Variants in GARNL3 observed in about 807,000 individuals in gnomAD.
GARNL3 encodes GTPase-activating Rap/Ran-GAP domain-like protein 3.
A neutral mutation model predicts 125.0 loss-of-function variants in GARNL3; 63 were observed. That is an observed-to-expected ratio of 0.50 (90% CI 0.41 to 0.62). The LOEUF (loss-of-function observed/expected upper bound fraction) is 0.62. GARNL3 is among the 20% of genes least tolerant of loss of function. GARNL3 has a pLI of 0.00. For missense variants in GARNL3, 994 were observed against 1,244.0 expected, an observed-to-expected ratio of 0.80 and a Z score of 3.02; for synonymous variants, 439 against 457.5, an observed-to-expected ratio of 0.96 and a Z score of 0.52.
chr9:127,296,633 A>C (rs2779724), intron 2 of GARNL3, among the ~76,000 whole-genome samples: 101,052 of 151,546 alleles, frequency 0.67, 35,281 homozygotes, highest in Admixed American at 0.79. Flanking sequence ...CATTGTATCC[A>C]GCAAATTTTT....
At chr9:127,263,381 G>A (rs915317233), upstream of GARNL3, among the ~76,000 whole-genome samples, 9 of 152,106 alleles carry the variant, frequency 5.9e-5, no homozygotes, top group Non-Finnish European at 7.4e-5. Context: ...AAATTGAAGC[G>A]GCGGGTTGAG....
rs572058867 is a variant in GARNL3 at position 127,236,754 on chromosome 9, A to G, written c.-28-6325A>G. ...GCTATTCTTTTGGTTGCTCCTCAACATTTCTTTGCTGCTTGAGCAGAAATT... is the reference window on the plus strand; with the variant it reads ...GCTATTCTTTTGGTTGCTCCTCAACGTTTCTTTGCTGCTTGAGCAGAAATT... On this transcript the variant is annotated intron_variant, in intron 1 of 10. Transcript: ENST00000439286. Among the ~76,000 whole-genome samples the G allele has an allele frequency of 2.6e-5, 4 of 152,238 alleles. No homozygotes were observed. In the East Asian group the frequency reaches 5.8e-4, roughly 22 times the overall value.
rs968324389 is a variant in GARNL3 at position 127,393,391 on chromosome 9, G to A, written c.*137G>A. Reference sequence around the variant, plus strand: ...ATTGGACCAAACCTTCTGCACACTCGGCCAGTTCCCTCTCCAATGTCCGGT... The same window carrying A: ...ATTGGACCAAACCTTCTGCACACTCAGCCAGTTCCCTCTCCAATGTCCGGT... On this transcript the variant is annotated 3_prime_UTR_variant, in exon 28 of 28. Transcript: ENST00000373387. 1.5e-5 allele frequency: 10 copies of A among 668,830 alleles called. No homozygotes were observed. Among genetic ancestry groups the A allele is most frequent in the Middle Eastern group, 4.4e-4 (1 of 2,298 alleles). 41.4% of individuals were successfully genotyped at this position (668,830 alleles called of 1,614,324 possible).
chr9:127,349,096 G>A, intron 17 of GARNL3, 61 bp downstream of exon 17: 1 of 1,154,022 alleles, frequency 8.7e-7, no homozygotes, highest in Admixed American at 1.7e-5. Flanking sequence ...CTTCTAAGAT[G>A]AGTGACCACC....
At chr9:127,351,325 G>GCCAGGAAATT (rs1251511606) in intron 17 of GARNL3, among the ~76,000 whole-genome samples, 2 of 152,018 alleles carry the variant, frequency 1.3e-5, no homozygotes, top group East Asian at 3.9e-4. Flanking sequence ...ATTGTGATTT[G>GCCAGGAAATT]CCAGGAAATT....
chr9:127,303,009 G>A (rs1022177456), intron 2 of GARNL3, among the ~76,000 whole-genome samples: 1 of 152,134 alleles, frequency 6.6e-6, no homozygotes, highest in Non-Finnish European at 1.5e-5. Context: ...AAATTAGCCA[G>A]GCGTGGTAGT....
intron 22 of GARNL3, among the ~76,000 whole-genome samples, chr9:127,370,280 C>T (rs576952591): frequency 1.3e-5 from 2 of 152,222 alleles, no homozygotes; most frequent in East Asian, 1.9e-4. Context: ...GGCCTTGATC[C>T]GAAGCTCTGG....
chr9:127,277,654 CCTTA>C (rs1332687289), intron 1 of GARNL3, among the ~76,000 whole-genome samples: 1 of 151,952 alleles, frequency 6.6e-6, no homozygotes, highest in Non-Finnish European at 1.5e-5. Flanking sequence ...TATCTCTGAG[CCTTA>C]CTTAGCTCAT....
chr9:127,345,260 CTTGA>C (rs1394924926), intron 15 of GARNL3, 139 bp from the exon 16 acceptor site: 1 of 494,946 alleles, frequency 2.0e-6, no homozygotes, highest in Non-Finnish European at 3.6e-6. Flanking sequence ...AACTTCAATT[CTTGA>C]TTAACAAGTC....
chr9:127,271,775 A>G (rs1436852083), intron 1 of GARNL3, among the ~76,000 whole-genome samples: 1 of 150,204 alleles, frequency 6.7e-6, no homozygotes, highest in Non-Finnish European at 1.5e-5. Context: ...GCTGACTCTC[A>G]TAAAACCCCG....
chr9:127,383,607 C>A (rs1832388196), intron 23 of GARNL3, 62 bp downstream of exon 23: 30 of 1,109,830 alleles, frequency 2.7e-5, no homozygotes, highest in Non-Finnish European at 3.9e-5. Flanking sequence ...CTATTGTAAG[C>A]AAATCCTATG....
intron 19 of GARNL3, among the ~76,000 whole-genome samples, chr9:127,354,826 CT>C (rs780494891): frequency 1.4e-4 from 21 of 152,166 alleles, no homozygotes; most frequent in African/African-American, 5.1e-4. Context: ...GAGTCTCACT[CT>C]TGTTGCCCAG....
intron 1 of GARNL3, chr9:127,225,298 C>T (rs2062886132): frequency 5.1e-6 from 5 of 977,220 alleles, no homozygotes; most frequent in Non-Finnish European, 6.1e-6. Context: ...AGCCCGCGGC[C>T]CCCGCCCGGG....
At chr9:127,340,086 G>A (rs1352368405) in intron 13 of GARNL3, among the ~76,000 whole-genome samples, 2 of 152,124 alleles carry the variant, frequency 1.3e-5, no homozygotes, top group East Asian at 3.9e-4. Flanking sequence ...TCAGAGAGTG[G>A]GATGTAGGTG....
intron 1 of GARNL3, among the ~76,000 whole-genome samples, chr9:127,289,053 G>A (rs911224809): frequency 6.6e-6 from 1 of 152,186 alleles, no homozygotes; most frequent in African/African-American, 2.4e-5. Context: ...CACTCTACCT[G>A]AAATCTACTT....
intron 2 of GARNL3, 59 bp from the exon 3 acceptor site, chr9:127,311,577 C>T: frequency 8.5e-7 from 1 of 1,170,176 alleles, no homozygotes; most frequent in Non-Finnish European, 1.3e-6. Flanking sequence ...GGTTCATTGC[C>T]AGGTTCATGT....
chr9:127,292,562 G>A (rs868432322), intron 2 of GARNL3, among the ~76,000 whole-genome samples: 1 of 152,190 alleles, frequency 6.6e-6, no homozygotes, highest in Non-Finnish European at 1.5e-5. Context: ...CCAAAATTTT[G>A]CAGAACTTCA....
chr9:127,338,018 C>T (rs941727416), intron 11 of GARNL3, 98 bp from the exon 12 acceptor site: 16 of 888,372 alleles, frequency 1.8e-5, no homozygotes, highest in Non-Finnish European at 2.9e-5. Flanking sequence ...AGCACAGAAG[C>T]GCTGGTCGAG....
At chr9:127,287,893 C>A (rs541791914) in intron 1 of GARNL3, among the ~76,000 whole-genome samples, 1 of 152,242 alleles carries the variant, frequency 6.6e-6, no homozygotes, top group East Asian at 1.9e-4. Flanking sequence ...GATTAATGAA[C>A]CTTCTCTGCT....
Sources: allele counts gnomAD v4.1 joint callset (sites outside exome capture counted in the v4.1 genomes callset), GRCh38; gene constraint gnomAD v4.1.1; transcripts MANE v1.5; gene names NCBI Gene and HGNC (gene_info 2026-07-23, HGNC 2026-07-21).